RBL1: variants seen among roughly 807,000 people sequenced by gnomAD.
The protein encoded by RBL1 is RB transcriptional corepressor like 1.
A neutral mutation model predicts 123.0 loss-of-function variants in RBL1; 82 were observed. That is an observed-to-expected ratio of 0.67 (90% CI 0.56 to 0.80). The LOEUF is 0.80. RBL1 is among the 30% of genes least tolerant of loss of function. The pLI, the probability that RBL1 is intolerant of heterozygous loss-of-function variation, is 0.00. For missense variants in RBL1, 1,171 were observed against 1,299.6 expected (o/e 0.90, Z 1.52); for synonymous variants, 405 against 441.3 (o/e 0.92, Z 1.03).
chr20:37,083,742 C>G (rs1310591307), intron 2 of RBL1, among the ~76,000 whole-genome samples: 1 of 146,282 alleles, frequency 6.8e-6, no homozygotes, highest in African/African-American at 2.5e-5. Flanking sequence ...GAGGAGGAGG[C>G]TGCAGTGAGC....
chr20:37,009,384 A>T (rs1600450907), intron 19 of RBL1, among the ~76,000 whole-genome samples: 1 of 152,202 alleles, frequency 6.6e-6, no homozygotes, highest in Non-Finnish European at 1.5e-5. Flanking sequence ...CTGGCTTGTT[A>T]ACAGCTCTTC....
At chr20:37,002,519 T>G (rs1291927688) in intron 21 of RBL1, among the ~76,000 whole-genome samples, 1 of 150,644 alleles carries the variant, frequency 6.6e-6, no homozygotes, top group African/African-American at 2.4e-5. Flanking sequence ...AATTTTTGTA[T>G]TTTTAGAGAC....
intron 8 of RBL1, among the ~76,000 whole-genome samples, 179 bp from the exon 9 acceptor site, chr20:37,061,448 TATA>T (rs1394304397): frequency 6.6e-6 from 1 of 152,240 alleles, no homozygotes; most frequent in African/African-American, 2.4e-5. Flanking sequence ...ACTTTCTACA[TATA>T]ATTTCATTTA....
At chr20:37,094,067 G>T (rs1285248997) in intron 1 of RBL1, among the ~76,000 whole-genome samples, 4 of 152,196 alleles carry the variant, frequency 2.6e-5, no homozygotes, top group Non-Finnish European at 5.9e-5. Context: ...GGTGTTGGGG[G>T]TGAGGGGAAA....
chr20:37,064,338 A>G (rs983264298), intron 7 of RBL1, among the ~76,000 whole-genome samples: 4 of 151,050 alleles, frequency 2.6e-5, no homozygotes, highest in East Asian at 2.0e-4. Flanking sequence ...GGGTTTCACC[A>G]TTTTGGCCAG....
rs374029496 is a variant in RBL1 at position 37,007,427 on chromosome 20, G to A, written c.2855C>T (p.Ala952Val). The A allele has an allele frequency of 1.2e-5, 20 of 1,613,040 alleles. No individual in the cohort carries two copies. The highest frequency in any genetic ancestry group is 2.7e-5 in the African/African-American group (2 of 74,816). Residue 952 changes from alanine to valine, a missense_variant, in exon 20 of 22, where the codon GCG (alanine) becomes GTG (valine). By Grantham distance (64) the Ala-to-Val change is moderately conservative. Transcript: ENST00000373664. ...VKSFALKYDL[A>V]NQDHMMDAPP... ...AGAACATACCATATGGTCCTGATTCGCCAAGTCGTATTTCAGTGCAAATGA... is the reference window on the plus strand; with the variant it reads ...AGAACATACCATATGGTCCTGATTCACCAAGTCGTATTTCAGTGCAAATGA...
At chr20:37,008,166 G>A (rs1273918682) in intron 19 of RBL1, among the ~76,000 whole-genome samples, 1 of 152,172 alleles carries the variant, frequency 6.6e-6, no homozygotes, top group Non-Finnish European at 1.5e-5. Flanking sequence ...ACAGCCCTGG[G>A]CTGGTGTTTA....
intron 16 of RBL1, 124 bp downstream of exon 16, chr20:37,032,541 G>T: frequency 7.0e-7 from 1 of 1,431,102 alleles, no homozygotes; most frequent in South Asian, 1.4e-5. Flanking sequence ...ACTTAAAAAT[G>T]GTTAAAATGG....
In RBL1 at chr20:36,997,262, C is replaced by G. The variant is rs542429604; in HGVS notation, c.*1497G>C. On this transcript the variant is annotated 3_prime_UTR_variant, in exon 22 of 22. Transcript: ENST00000373664. ...GCATCCCTAGTACTGAAAAGCATCC[C>G]TAACACTGAAAAAAGCATCCCTAGT... The G allele has an allele frequency of 2.0e-5, 3 of 151,954 alleles. No individual in the cohort carries two copies. Among genetic ancestry groups the G allele is most frequent in the Admixed American group, 2.0e-4 (3 of 15,242 alleles). The allele number at this position is 151,954 out of a possible 1,614,324, so 9.4% of individuals were successfully genotyped here.
intron 16 of RBL1, among the ~76,000 whole-genome samples, chr20:37,031,612 A>C (rs1359818788): frequency 1.3e-5 from 2 of 152,260 alleles, no homozygotes; most frequent in Non-Finnish European, 2.9e-5. Flanking sequence ...GTGGTAATGT[A>C]AAATGGTCCA....
At position 37,079,203 on chromosome 20, in the gene RBL1, C is replaced by CAAAA. The variant is rs760548490; in HGVS notation, c.290+9782_290+9785dup. On this transcript the variant is annotated intron_variant, in intron 2 of 21. Coordinates refer to ENST00000373664, the MANE Select transcript of RBL1 (RefSeq NM_002895.5). ...CCACAGAGTAAGACCCTGTCTCAGC[C>CAAAA]AAAAAAAAAAAAAAAAAACCCTCAA... 8.3e-5 allele frequency among the ~76,000 whole-genome samples: 5 copies of CAAAA among 60,034 alleles called. No homozygotes were observed. In the East Asian group the frequency reaches 1.1e-3, roughly 14 times the overall value. The allele number at this position is 60,034 out of a possible 152,430, so 39.4% of individuals were successfully genotyped here.
At chr20:37,069,856 G>GC (rs1039325856) in intron 2 of RBL1, among the ~76,000 whole-genome samples, 11 of 150,466 alleles carry the variant, frequency 7.3e-5, no homozygotes, top group African/African-American at 2.7e-4. Context: ...GGGGGGGTCA[G>GC]CCCCCCGCCC....
rs554200669 is a variant in RBL1 at position 36,999,231 on chromosome 20, C to G, written c.3037-302G>C. ...AGACCAGCCTGGGCAACATGGCAAA[C>G]CTGGTCTCTACAAAAAATACAAAAA... On this transcript the variant is annotated intron_variant, in intron 21 of 21. Transcript: ENST00000373664. 3.9e-5 allele frequency among the ~76,000 whole-genome samples: 6 copies of G among 151,976 alleles called. No individual in the cohort carries two copies. In the South Asian group the frequency reaches 8.3e-4, roughly 21 times the overall value.
chr20:37,043,656 T>C (rs554830710), intron 13 of RBL1, among the ~76,000 whole-genome samples: 2 of 151,700 alleles, frequency 1.3e-5, no homozygotes, highest in Admixed American at 1.3e-4. Flanking sequence ...CGGGCAAGAG[T>C]GAAACCCCGC....
chr20:37,028,399 T>A (rs1424450783), intron 16 of RBL1, among the ~76,000 whole-genome samples: 1 of 151,862 alleles, frequency 6.6e-6, no homozygotes, highest in African/African-American at 2.4e-5. Context: ...GGGTGGTGAC[T>A]CACACAGTAA....
rs111892016 is a variant in RBL1, at chr20:37,026,477, G to A, written c.2383-3651C>T. 3.8e-3 allele frequency among the ~76,000 whole-genome samples: 583 copies of A among 152,152 alleles called. 7 individuals are homozygous for A. The highest frequency in any genetic ancestry group is 0.013 in the African/African-American group (556 of 41,538). ...TCCCAGCACTTTGAGAGGCCAAGAC[G>A]GGTGGATCACGAGGTCAGAAGTTCA... On this transcript the variant is annotated intron_variant, in intron 16 of 21. Coordinates refer to ENST00000373664, the MANE Select transcript of RBL1 (RefSeq NM_002895.5).
At chr20:37,049,330 TA>T in intron 11 of RBL1, 1 of 663,402 alleles carries the variant, frequency 1.5e-6, no homozygotes, top group Non-Finnish European at 2.7e-6. Flanking sequence ...ACAGAAAATG[TA>T]AAGACCAAGA....
Position 37,010,764 on chromosome 20 carries a change from G to A in RBL1, c.2723-3205C>T, listed in dbSNP as rs902601994. On this transcript the variant is annotated intron_variant, in intron 19 of 21. Coordinates refer to ENST00000373664, the MANE Select transcript of RBL1 (RefSeq NM_002895.5). The stretch of plus-strand genomic sequence containing the variant: ...ATCATTATATGGCACATGACTATGT[G>A]TGTGTGTGTGTGTGTGTGTGTGTGT... Among the ~76,000 whole-genome samples, 26 of 148,596 alleles carry A rather than the reference G, an allele frequency of 1.7e-4. No homozygotes were observed. In the East Asian group the frequency reaches 1.9e-3, roughly 11 times the overall value.
intron 13 of RBL1, 53 bp downstream of exon 13, chr20:37,044,033 G>GTTTTT (rs200990142): frequency 6.7e-5 from 61 of 912,820 alleles, no homozygotes; most frequent in Admixed American, 1.4e-4. Flanking sequence ...AATAAAGCTG[G>GTTTTT]TTTTTTTTTT....
Sources: allele counts gnomAD v4.1 joint callset (sites outside exome capture counted in the v4.1 genomes callset), GRCh38; gene constraint gnomAD v4.1.1; transcripts MANE v1.5; gene names NCBI Gene and HGNC (gene_info 2026-07-23, HGNC 2026-07-21).